The following SSBP3 variants were observed in gnomAD, a reference collection of about 807,000 sequenced individuals.
SSBP3 encodes single-stranded DNA-binding protein 3.
A neutral mutation model predicts 69.6 loss-of-function variants in SSBP3; 5 were observed. The observed-to-expected ratio is 0.07, with a 90% CI of 0.04 to 0.15. The LOEUF (loss-of-function observed/expected upper bound fraction) is 0.15. Among genes scored for constraint, SSBP3 ranks in the 10% least tolerant of loss-of-function variants. The pLI is 1.00. For missense variants in SSBP3, 312 were observed against 534.0 expected, an observed-to-expected ratio of 0.58 and a Z score of 4.10; for synonymous variants, 196 against 193.4, an observed-to-expected ratio of 1.01 and a Z score of -0.11.
intron 8 of SSBP3, 39 bp from the exon 9 acceptor site, chr1:54,251,731 T>G (rs1454910624): frequency 1.1e-5 from 17 of 1,584,064 alleles, no homozygotes; most frequent in Non-Finnish European, 1.5e-5. Context: ...ATGGCAGGAG[T>G]GGAGGGAGGA....
chr1:54,286,021 T>C (rs1645483170), intron 4 of SSBP3, among the ~76,000 whole-genome samples: 1 of 152,168 alleles, frequency 6.6e-6, no homozygotes, highest in Non-Finnish European at 1.5e-5. Context: ...GAGCTAGGTC[T>C]GGAAACAGCA....
intron 9 of SSBP3, among the ~76,000 whole-genome samples, chr1:54,244,067 C>G (rs1486512458): frequency 2.0e-5 from 3 of 151,642 alleles, no homozygotes; most frequent in Non-Finnish European, 4.4e-5. Context: ...GTAGTTGGGA[C>G]TACAGTCATG....
At chr1:54,245,077 A>G (rs1644710218) in intron 9 of SSBP3, among the ~76,000 whole-genome samples, 1 of 152,218 alleles carries the variant, frequency 6.6e-6, no homozygotes, top group Non-Finnish European at 1.5e-5. Flanking sequence ...CGAAGAAGGG[A>G]ATGCATGAAG....
chr1:54,398,441 C>T (rs1333686598), intron 4 of SSBP3, among the ~76,000 whole-genome samples: 6 of 152,130 alleles, frequency 3.9e-5, no homozygotes, highest in Non-Finnish European at 7.4e-5. Flanking sequence ...AAAAGGATTG[C>T]TTGTTGTTTG....
At chr1:54,314,216 G>A (rs565513150) in intron 4 of SSBP3, among the ~76,000 whole-genome samples, 1 of 152,220 alleles carries the variant, frequency 6.6e-6, no homozygotes, top group South Asian at 2.1e-4. Flanking sequence ...GGGGAGACAG[G>A]ATTACCTGAT....
chr1:54,395,089 A>T (rs1206073659), intron 4 of SSBP3, among the ~76,000 whole-genome samples: 1 of 151,130 alleles, frequency 6.6e-6, no homozygotes, highest in African/African-American at 2.4e-5. Context: ...CTTATACAAT[A>T]AAAAAAAATC....
At chr1:54,326,035 C>T (rs1245833493) in intron 4 of SSBP3, among the ~76,000 whole-genome samples, 5 of 151,700 alleles carry the variant, frequency 3.3e-5, no homozygotes. Flanking sequence ...GCACAGGGGC[C>T]GAGGTATAGG....
chr1:54,240,750 AC>A (rs1644620524), intron 13 of SSBP3, among the ~76,000 whole-genome samples, 154 bp downstream of exon 13: 1 of 151,794 alleles, frequency 6.6e-6, no homozygotes, highest in Non-Finnish European at 1.5e-5. Flanking sequence ...TCATCAAGGG[AC>A]CCCCTGCCCT....
intron 4 of SSBP3, among the ~76,000 whole-genome samples, chr1:54,312,546 C>T (rs1569757303): frequency 1.3e-5 from 2 of 152,074 alleles, no homozygotes; most frequent in South Asian, 4.2e-4. Context: ...TGAAATCACG[C>T]CACTGCACTT....
At chr1:54,404,614 C>T (rs1325740366) in exon 3 of SSBP3, 9 of 1,613,732 alleles carry the variant, frequency 5.6e-6, no homozygotes, top group Middle Eastern at 3.3e-4. Context: ...GTTCTCCCAA[C>T]GTGATGTTTT....
intron 4 of SSBP3, among the ~76,000 whole-genome samples, chr1:54,300,356 G>A (rs1228210911): frequency 6.6e-6 from 1 of 152,178 alleles, no homozygotes; most frequent in East Asian, 1.9e-4. Context: ...GCTTGGGCCT[G>A]GAAGCCCAGA....
chr1:54,251,917 G>A, intron 7 of SSBP3, 57 bp from the exon 8 acceptor site: 1 of 1,478,946 alleles, frequency 6.8e-7, no homozygotes, highest in East Asian at 2.3e-5. Flanking sequence ...TGGCCATGGG[G>A]ACAGGCATCT....
At chr1:54,290,612 C>CA (rs1314829983) in intron 4 of SSBP3, among the ~76,000 whole-genome samples, 8 of 152,224 alleles carry the variant, frequency 5.3e-5, no homozygotes, top group African/African-American at 1.9e-4. Flanking sequence ...AAGCACCCGG[C>CA]TTCTTCTGGG....
chr1:54,367,268 A>T (rs2100658642), intron 4 of SSBP3, among the ~76,000 whole-genome samples: 1 of 152,178 alleles, frequency 6.6e-6, no homozygotes, highest in African/African-American at 2.4e-5. Flanking sequence ...CCTGATACTC[A>T]CCTTCTGAGA....
intron 4 of SSBP3, among the ~76,000 whole-genome samples, chr1:54,399,721 T>C (rs968730523): frequency 3.3e-5 from 5 of 152,162 alleles, no homozygotes; most frequent in Non-Finnish European, 7.3e-5. Context: ...GAAGGTTAAC[T>C]AGACTGTAGC....
chr1:54,354,152 T>C (rs748708056), intron 4 of SSBP3, among the ~76,000 whole-genome samples: 2 of 152,206 alleles, frequency 1.3e-5, no homozygotes, highest in Non-Finnish European at 2.9e-5. Flanking sequence ...AGCCAGCGCA[T>C]ACCACTGTCT....
intron 4 of SSBP3, among the ~76,000 whole-genome samples, chr1:54,284,888 G>A (rs1412426521): frequency 6.6e-6 from 1 of 152,204 alleles, no homozygotes; most frequent in African/African-American, 2.4e-5. Flanking sequence ...TCTAGGAACT[G>A]AAGGTAGTGG....
intron 4 of SSBP3, among the ~76,000 whole-genome samples, chr1:54,296,713 T>C (rs550899258): frequency 1.3e-5 from 2 of 152,348 alleles, no homozygotes; most frequent in African/African-American, 4.8e-5. Context: ...GAACAGTGCC[T>C]GGCACGCATC....
chr1:54,233,229 G>A (rs1290577877), intron 14 of SSBP3, among the ~76,000 whole-genome samples: 7 of 150,860 alleles, frequency 4.6e-5, no homozygotes, highest in South Asian at 2.1e-4. Flanking sequence ...CCTCTGCCCC[G>A]CTGCCCCATC....
Sources: allele counts gnomAD v4.1 joint callset (sites outside exome capture counted in the v4.1 genomes callset), GRCh38; gene constraint gnomAD v4.1.1; transcripts MANE v1.5; gene names NCBI Gene and HGNC (gene_info 2026-07-23, HGNC 2026-07-21).